Variants in CAPZA2 observed in about 807,000 individuals in gnomAD.
CAPZA2 encodes the protein F-actin-capping protein subunit alpha-2.
CAPZA2 carries 13 observed loss-of-function variants against 44.0 expected under a neutral mutation model. The observed-to-expected ratio is 0.30, with a 90% confidence interval of 0.19 to 0.47. The LOEUF (loss-of-function observed/expected upper bound fraction) is 0.47, where lower values mean the gene tolerates loss of function less well. CAPZA2 is among the 20% of genes least tolerant of loss of function. The pLI, the probability that CAPZA2 is intolerant of heterozygous loss-of-function variation, is 1.00. For missense variants in CAPZA2, 244 were observed against 338.6 expected (o/e 0.72, Z 2.19); for synonymous variants, 94 against 108.2 (o/e 0.87, Z 0.81).
intron 1 of CAPZA2, among the ~76,000 whole-genome samples, chr7:116,883,854 A>G (rs1012105376): frequency 6.6e-6 from 1 of 152,236 alleles, no homozygotes; most frequent in African/African-American, 2.4e-5. Context: ...AATATGCTAT[A>G]TGTGTGCTGC....
At chr7:116,910,445 C>A in intron 7 of CAPZA2, 134 bp downstream of exon 7, 3 of 600,328 alleles carry the variant, frequency 5.0e-6, no homozygotes, top group Non-Finnish European at 8.9e-6. Flanking sequence ...ATGGGAAAAA[C>A]AATAGTGCTG....
chr7:116,892,927 A>G, intron 2 of CAPZA2, 67 bp from the exon 3 acceptor site: 2 of 1,166,240 alleles, frequency 1.7e-6, no homozygotes, highest in Non-Finnish European at 2.5e-6. Context: ...TCACCAAAAC[A>G]ATCTGCGTTC....
At position 116,882,634 on chromosome 7, in the gene CAPZA2, A is replaced by G. The variant is rs140499501; in HGVS notation, c.40-5493A>G. Among the ~76,000 whole-genome samples, 97 of 152,158 alleles carry G rather than the reference A, an allele frequency of 6.4e-4. No individual in the cohort carries two copies. In the East Asian group the frequency reaches 0.015, roughly 24 times the overall value. Reference sequence around the variant, plus strand: ...ATTTTGGATATTTTTTGAACACCCCAATTTTATCTTCTGTATAGGTCACTT... The same window carrying G: ...ATTTTGGATATTTTTTGAACACCCCGATTTTATCTTCTGTATAGGTCACTT... On this transcript the variant is annotated intron_variant, in intron 1 of 9. Coordinates refer to ENST00000361183, the MANE Select transcript of CAPZA2 (RefSeq NM_006136.3).
intron 1 of CAPZA2, among the ~76,000 whole-genome samples, chr7:116,872,068 G>C (rs564156826): frequency 6.6e-6 from 1 of 152,038 alleles, no homozygotes; most frequent in African/African-American, 2.4e-5. Context: ...CTGTATCACT[G>C]TATTAGGGGC....
At chr7:116,893,464 A>G (rs891527384) in intron 3 of CAPZA2, among the ~76,000 whole-genome samples, 1 of 152,152 alleles carries the variant, frequency 6.6e-6, no homozygotes, top group Admixed American at 6.5e-5. Flanking sequence ...TCTGACATAG[A>G]TATTTGCACA....
chr7:116,913,333 C>T (rs992310278), intron 8 of CAPZA2, among the ~76,000 whole-genome samples: 3 of 150,154 alleles, frequency 2.0e-5, no homozygotes, highest in African/African-American at 7.4e-5. Flanking sequence ...CCATTGTCTA[C>T]CCAAGGTCGT....
intron 9 of CAPZA2, among the ~76,000 whole-genome samples, chr7:116,917,010 T>C (rs189621257): frequency 1.2e-3 from 178 of 152,308 alleles, no homozygotes; most frequent in African/African-American, 4.1e-3. Context: ...TAGATCACAT[T>C]TCATTTTGTG....
chr7:116,877,069 C>A (rs1796631655), intron 1 of CAPZA2, among the ~76,000 whole-genome samples: 1 of 152,118 alleles, frequency 6.6e-6, no homozygotes, highest in South Asian at 2.1e-4. Flanking sequence ...GCTAGGGGAC[C>A]TTATCTGTGG....
In CAPZA2 at chr7:116,916,043, GT is replaced by G. The variant is rs749652713; in HGVS notation, c.658-4del. The stretch of plus-strand genomic sequence containing the variant: ...AGTTTTAAATTACTATTTTTATTTT[GT>G]TTTTTTTTTTTTCAGAATGAAGTGC... On this transcript the variant is annotated splice_polypyrimidine_tract_variant and intron_variant, in intron 8 of 9. Transcript: ENST00000361183. 0.017 allele frequency: 20,089 copies of G among 1,151,784 alleles called. 89 individuals are homozygous for G. Among genetic ancestry groups the G allele is most frequent in the African/African-American group, 0.079 (4,511 of 57,092 alleles). 71.3% of individuals were successfully genotyped at this position (1,151,784 alleles called of 1,614,324 possible). A position where few individuals can be genotyped will look rare whatever the true frequency, so the allele number is the denominator to read the frequency against.
chr7:116,919,370 T>C lies in CAPZA2; in HGVS notation c.*1503T>C, dbSNP rs886146862. On this transcript the variant is annotated 3_prime_UTR_variant, in exon 10 of 10. Transcript: ENST00000361183. ...TAATTATCTGTTCCTTTTTAAAATA[T>C]ATATATTTGAAAGTTTGATGATGGT... 3.3e-5 allele frequency: 5 copies of C among 152,476 alleles called. No individual in the cohort carries two copies. The highest frequency in any genetic ancestry group is 7.3e-5 in the Non-Finnish European group (5 of 68,032). 9.4% of individuals were successfully genotyped at this position (152,476 alleles called of 1,614,324 possible). A position where few individuals can be genotyped will look rare whatever the true frequency, so the allele number is the denominator to read the frequency against.
At chr7:116,893,871 C>T (rs1347144383) in intron 3 of CAPZA2, among the ~76,000 whole-genome samples, 3 of 152,168 alleles carry the variant, frequency 2.0e-5, no homozygotes, top group Non-Finnish European at 4.4e-5. Context: ...TGACTTTTCG[C>T]AGCTATCCTG....
In CAPZA2 at chr7:116,898,761, C is replaced by CTT; in HGVS notation, c.156-4_156-3dup. ...TATAATTTTAAGTAATTGCCATTTT[C>CTT]TTTTTTTTAGTGCATTTGCACAGTA... On this transcript the variant is annotated splice_polypyrimidine_tract_variant and intron_variant, in intron 3 of 9. Coordinates refer to ENST00000361183, the MANE Select transcript of CAPZA2 (RefSeq NM_006136.3). 2 of 1,535,990 alleles carry CTT rather than the reference C, an allele frequency of 1.3e-6. No individual in the cohort carries two copies. The highest frequency in any genetic ancestry group is 1.8e-6 in the Non-Finnish European group (2 of 1,135,798).
At chr7:116,901,171 G>A (rs1191591055) in intron 4 of CAPZA2, among the ~76,000 whole-genome samples, 1 of 152,014 alleles carries the variant, frequency 6.6e-6, no homozygotes, top group Non-Finnish European at 1.5e-5. Context: ...ATACCCAAAG[G>A]AACAGAAATC....
intron 1 of CAPZA2, among the ~76,000 whole-genome samples, chr7:116,865,604 G>T (rs1796473204): frequency 6.6e-6 from 1 of 151,794 alleles, no homozygotes. Flanking sequence ...CTTAGACAGG[G>T]TCTCACTCTG....
chr7:116,916,481 T>C (rs773809272), intron 9 of CAPZA2, among the ~76,000 whole-genome samples: 6 of 152,080 alleles, frequency 3.9e-5, no homozygotes, highest in Non-Finnish European at 8.8e-5. Context: ...AAATTAGCTG[T>C]GTGTGGTGGC....
At chr7:116,884,384 G>A (rs747376453) in intron 1 of CAPZA2, among the ~76,000 whole-genome samples, 21 of 151,644 alleles carry the variant, frequency 1.4e-4, no homozygotes, top group African/African-American at 4.8e-4. Context: ...CTTTTTCCTC[G>A]TCTCATTTCT....
intron 7 of CAPZA2, among the ~76,000 whole-genome samples, chr7:116,911,142 T>C (rs1199504930): frequency 6.6e-6 from 1 of 152,162 alleles, no homozygotes; most frequent in Non-Finnish European, 1.5e-5. Flanking sequence ...TCAGTGGCGC[T>C]TACCTGGATA....
At chr7:116,916,406 C>T (rs1370070176) in intron 9 of CAPZA2, among the ~76,000 whole-genome samples, 2 of 152,188 alleles carry the variant, frequency 1.3e-5, no homozygotes, top group African/African-American at 4.8e-5. Flanking sequence ...AGGTGGATCA[C>T]GAGGTCAAGA....
intron 2 of CAPZA2, among the ~76,000 whole-genome samples, chr7:116,889,556 C>T (rs1223838489): frequency 2.0e-5 from 3 of 150,466 alleles, no homozygotes; most frequent in Non-Finnish European, 1.5e-5. Context: ...GCCCCCCTCC[C>T]CATCTCTACC....
Sources: gnomAD v4.1 joint callset for allele counts (sites outside exome capture counted in the v4.1 genomes callset) on GRCh38, gnomAD v4.1.1 for gene constraint, MANE v1.5 for transcripts, NCBI Gene and HGNC (gene_info 2026-07-23, HGNC 2026-07-21) for gene names.